Variants in TBC1D5 observed in about 807,000 individuals in gnomAD.
TBC1D5 encodes TBC1 domain family, member 5.
TBC1D5 carries 75 observed loss-of-function variants against 100.3 expected under a neutral mutation model. The observed-to-expected ratio is 0.75, with a 90% CI of 0.62 to 0.91. The LOEUF (loss-of-function observed/expected upper bound fraction) is 0.91, where lower values mean the gene tolerates loss of function less well. Ranked by LOEUF, TBC1D5 falls within the 40% of genes least tolerant of loss-of-function variation. TBC1D5 has a pLI of 0.00. For missense variants in TBC1D5, 910 were observed against 942.4 expected, an observed-to-expected ratio of 0.97 and a Z score of 0.45; for synonymous variants, 323 against 325.6, an observed-to-expected ratio of 0.99 and a Z score of 0.09.
At chr3:17,558,221 GAATGATTTCAACAATTTGTTTACT>G (rs1387323232) in intron 2 of TBC1D5, among the ~76,000 whole-genome samples, 1 of 152,078 alleles carries the variant, frequency 6.6e-6, no homozygotes, top group Non-Finnish European at 1.5e-5. Flanking sequence ...TTTGCTCTCT[GAATGATTTCAACAATTTGTTTACT>G]TAAGGTGCAA....
chr3:17,660,443 G>C (rs1236892875), intron 1 of TBC1D5, among the ~76,000 whole-genome samples: 3 of 152,316 alleles, frequency 2.0e-5, no homozygotes, highest in Non-Finnish European at 2.9e-5. Context: ...CTGCAAGTAA[G>C]TGCTTCAGAA....
intron 14 of TBC1D5, among the ~76,000 whole-genome samples, chr3:17,303,750 T>TA (rs1007584018): frequency 5.3e-5 from 8 of 151,526 alleles, no homozygotes; most frequent in Non-Finnish European, 1.2e-4. Flanking sequence ...ACCACTATTT[T>TA]AAAAAACACT....
At position 17,167,799 on chromosome 3, in the gene TBC1D5, T is replaced by G. The variant is rs931078391; in HGVS notation, c.1882A>C (p.Asn628His). 5 of 1,610,918 alleles carry G rather than the reference T, an allele frequency of 3.1e-6. No homozygotes were observed. The African/African-American group carries it at 6.7e-5, about 22-fold the overall frequency. ...AGAATTTGATCTTCTTTTTCCAAAT[T>G]TTCTTGTAATATCACATCTTGAATA... The change falls in exon 20 of 22, where the codon AAT becomes CAT. Residue 628 changes from asparagine to histidine, a missense_variant. Transcript: ENST00000253692.
intron 2 of TBC1D5, among the ~76,000 whole-genome samples, chr3:17,549,843 T>C (rs934118933): frequency 6.6e-6 from 1 of 151,924 alleles, no homozygotes; most frequent in Non-Finnish European, 1.5e-5. Context: ...GGCAGGAGAA[T>C]GGCTTGAACC....
chr3:17,210,381 T>C (rs1456924644), intron 18 of TBC1D5, among the ~76,000 whole-genome samples: 1 of 151,882 alleles, frequency 6.6e-6, no homozygotes, highest in African/African-American at 2.4e-5. Flanking sequence ...AGCGATGGGG[T>C]TTCACCATGT....
At chr3:17,715,500 GATCT>G (rs781466904) in intron 1 of TBC1D5, among the ~76,000 whole-genome samples, 8 of 152,150 alleles carry the variant, frequency 5.3e-5, no homozygotes, top group East Asian at 3.8e-4. Context: ...ATAAAAGAAG[GATCT>G]ATCAAAGTGG....
At chr3:17,517,422 A>G (rs950644087) in intron 2 of TBC1D5, among the ~76,000 whole-genome samples, 5 of 152,232 alleles carry the variant, frequency 3.3e-5, no homozygotes, top group African/African-American at 7.2e-5. Context: ...CTGAGAAGCA[A>G]GTAAACGTTA....
At chr3:17,463,133 C>G (rs1189808536) in intron 3 of TBC1D5, among the ~76,000 whole-genome samples, 1 of 152,188 alleles carries the variant, frequency 6.6e-6, no homozygotes, top group Non-Finnish European at 1.5e-5. Context: ...TACTACTATT[C>G]TGCTTCTAAG....
intron 13 of TBC1D5, among the ~76,000 whole-genome samples, chr3:17,317,911 T>C (rs1469390232): frequency 6.6e-6 from 1 of 152,068 alleles, no homozygotes; most frequent in Non-Finnish European, 1.5e-5. Flanking sequence ...CATGCTGCTA[T>C]AAAGACACAT....
In TBC1D5 at chr3:17,508,519, C is replaced by A. The variant is rs2095867657; in HGVS notation, c.52G>T (p.Glu18Ter). Residue 18 changes from glutamate (E) to a stop codon, truncating the protein, a stop_gained, in exon 3 of 22, where the codon GAA (glutamate) becomes TAA (stop). Transcript: ENST00000253692. LOFTEE classifies it high-confidence loss of function. ...CTGGACAAGGGGTCAATGCCTACTT[C>A]TTGTTCTTCTGGCTGCAGAGGATGT... The A allele has an allele frequency of 6.2e-7, 1 of 1,613,722 alleles. No homozygotes were observed. The highest frequency in any genetic ancestry group is 2.2e-5 in the East Asian group (1 of 44,864).
intron 18 of TBC1D5, among the ~76,000 whole-genome samples, chr3:17,203,150 C>G (rs1480435910): frequency 6.6e-6 from 1 of 152,198 alleles, no homozygotes. Context: ...GGAAGCCCAC[C>G]CCTTGCATGA....
intron 2 of TBC1D5, among the ~76,000 whole-genome samples, chr3:17,523,613 C>A (rs755749651): frequency 6.6e-6 from 1 of 152,102 alleles, no homozygotes; most frequent in South Asian, 2.1e-4. Context: ...TAAATACCTA[C>A]GTTTGCAACA....
chr3:17,725,465 T>C (rs1168400225), intron 1 of TBC1D5, among the ~76,000 whole-genome samples: 1 of 152,138 alleles, frequency 6.6e-6, no homozygotes, highest in Non-Finnish European at 1.5e-5. Context: ...GGTTTTAATT[T>C]TGGTTCGCTC....
intron 19 of TBC1D5, among the ~76,000 whole-genome samples, chr3:17,182,204 T>C (rs1458188614): frequency 6.6e-6 from 1 of 152,186 alleles, no homozygotes; most frequent in East Asian, 1.9e-4. Flanking sequence ...CTGTGGGCCG[T>C]GGAGCCAGGA....
intron 8 of TBC1D5, among the ~76,000 whole-genome samples, chr3:17,394,891 G>A (rs1289874727): frequency 6.6e-6 from 1 of 151,806 alleles, no homozygotes; most frequent in African/African-American, 2.4e-5. Context: ...AGAAAAGAAT[G>A]ACATATAGCT....
intron 18 of TBC1D5, among the ~76,000 whole-genome samples, chr3:17,195,085 T>C (rs1024623760): frequency 1.3e-5 from 2 of 152,226 alleles, no homozygotes; most frequent in Non-Finnish European, 2.9e-5. Flanking sequence ...AAAATAATTA[T>C]ATGCATATGG....
intron 18 of TBC1D5, among the ~76,000 whole-genome samples, chr3:17,198,067 G>A (rs974156124): frequency 2.0e-5 from 3 of 152,118 alleles, no homozygotes; most frequent in African/African-American, 4.8e-5. Flanking sequence ...GAAGACGACT[G>A]TTCAATGAAG....
intron 3 of TBC1D5, among the ~76,000 whole-genome samples, chr3:17,463,702 G>C (rs573762346): frequency 3.9e-5 from 6 of 152,026 alleles, no homozygotes; most frequent in Admixed American, 6.6e-5. Flanking sequence ...GGAGCCCAAG[G>C]CTAAAGAAAA....
At chr3:17,657,455 G>A (rs985382275) in intron 1 of TBC1D5, among the ~76,000 whole-genome samples, 4 of 150,562 alleles carry the variant, frequency 2.7e-5, no homozygotes, top group African/African-American at 9.8e-5. Flanking sequence ...CCCTGCCTCA[G>A]TCTCCCGAGT....
Sources: gnomAD v4.1 joint callset for allele counts (sites outside exome capture counted in the v4.1 genomes callset) on GRCh38, gnomAD v4.1.1 for gene constraint, MANE v1.5 for transcripts, NCBI Gene and HGNC (gene_info 2026-07-23, HGNC 2026-07-21) for gene names.